Variants in LRGUK observed in about 807,000 individuals in gnomAD.
LRGUK encodes the protein leucine-rich repeat and guanylate kinase domain-containing protein.
LRGUK carries 65 observed loss-of-function variants against 76.0 expected under a neutral mutation model. The observed-to-expected ratio is 0.85, with a 90% CI of 0.70 to 1.05. The LOEUF (loss-of-function observed/expected upper bound fraction) is 1.05, where lower values mean the gene tolerates loss of function less well. Among genes scored for constraint, LRGUK ranks in the 50% least tolerant of loss-of-function variants. The pLI, the probability that LRGUK is intolerant of heterozygous loss-of-function variation, is 0.00. For missense variants in LRGUK, 758 were observed against 732.8 expected (o/e 1.03, Z -0.40); for synonymous variants, 268 against 265.6 (o/e 1.01, Z -0.09).
intron 10 of LRGUK, among the ~76,000 whole-genome samples, chr7:134,183,242 T>G (rs1428699589): frequency 6.6e-6 from 1 of 152,254 alleles, no homozygotes; most frequent in Non-Finnish European, 1.5e-5. Context: ...TAGCTTCTTG[T>G]GATAATTAAA....
At chr7:134,200,502 A>T (rs1185023059) in intron 14 of LRGUK, among the ~76,000 whole-genome samples, 1 of 152,154 alleles carries the variant, frequency 6.6e-6, no homozygotes, top group African/African-American at 2.4e-5. Flanking sequence ...GTGCAATTGT[A>T]TTTTCTTGTG....
chr7:134,139,629 TTTAC>T, intron 3 of LRGUK, 112 bp downstream of exon 3: 3 of 657,694 alleles, frequency 4.6e-6, no homozygotes, highest in Non-Finnish European at 5.0e-6. Context: ...TGTGTATCAA[TTTAC>T]ATATTGATCC....
downstream of LRGUK, among the ~76,000 whole-genome samples, chr7:134,265,682 T>C (rs760210619): frequency 3.3e-5 from 5 of 152,204 alleles, no homozygotes. Flanking sequence ...GTTCTCCTCC[T>C]TCTCTCTGCT....
intron 15 of LRGUK, among the ~76,000 whole-genome samples, chr7:134,202,298 G>A (rs980000473): frequency 1.4e-5 from 2 of 146,822 alleles, no homozygotes; most frequent in Non-Finnish European, 1.5e-5. Context: ...CTATTAGGAT[G>A]GCTACTATAA....
At chr7:134,158,300 CCTTT>C in intron 6 of LRGUK, 141 bp downstream of exon 6, 1 of 660,290 alleles carries the variant, frequency 1.5e-6, no homozygotes, top group South Asian at 2.9e-5. Context: ...TTTGTTTGCT[CCTTT>C]CTTTACCATT....
At chr7:134,258,546 A>G in intron 19 of LRGUK, 141 bp downstream of exon 19, 1 of 729,604 alleles carries the variant, frequency 1.4e-6, no homozygotes, top group East Asian at 3.1e-5. Context: ...AAAAATACAA[A>G]AAATTGGCCA....
At chr7:134,127,438 G>A (rs1346085114) in exon 1 of LRGUK, 4 of 1,613,860 alleles carry the variant, frequency 2.5e-6, no homozygotes, top group South Asian at 1.1e-5. Flanking sequence ...GGCAGATCCC[G>A]AACTGGAGCC....
At chr7:134,154,305 C>G (rs188580086) in intron 5 of LRGUK, among the ~76,000 whole-genome samples, 1 of 152,078 alleles carries the variant, frequency 6.6e-6, no homozygotes, top group Non-Finnish European at 1.5e-5. Flanking sequence ...CAGGAAGTCC[C>G]GAGACCTGTG....
rs137931256 is a variant in LRGUK at position 134,137,422 on chromosome 7, T to C, written c.405+292T>C. Among the ~76,000 whole-genome samples the C allele has an allele frequency of 7.9e-4, 121 of 152,340 alleles. 1 individual carries two copies. In the East Asian group the frequency reaches 0.011, roughly 13 times the overall value. On this transcript the variant is annotated intron_variant, in intron 2 of 15. Coordinates refer to ENST00000645682, the Ensembl canonical transcript of LRGUK. ...TGCTTTCTTTCCAGGAGGTTGAATT[T>C]GATTCTGTAAAACCAATCAAAGACT...
chr7:134,160,156 A>G (rs1274765083), intron 6 of LRGUK, among the ~76,000 whole-genome samples: 1 of 152,216 alleles, frequency 6.6e-6, no homozygotes, highest in South Asian at 2.1e-4. Flanking sequence ...TGGTAAACAG[A>G]CAAAGATATA....
At chr7:134,268,111 CAGA>C (rs1161005164), downstream of LRGUK, among the ~76,000 whole-genome samples, 1 of 151,700 alleles carries the variant, frequency 6.6e-6, no homozygotes, top group Non-Finnish European at 1.5e-5. Context: ...ACAGATCGAG[CAGA>C]AGAAAAGAAT....
intron 16 of LRGUK, among the ~76,000 whole-genome samples, chr7:134,231,130 A>G (rs1280681382): frequency 6.6e-6 from 1 of 152,238 alleles, no homozygotes; most frequent in Non-Finnish European, 1.5e-5. Flanking sequence ...CAAATCACCC[A>G]GAGTCCAACT....
intron 10 of LRGUK, among the ~76,000 whole-genome samples, chr7:134,179,002 A>G (rs1239460078): frequency 6.6e-6 from 1 of 151,714 alleles, no homozygotes; most frequent in East Asian, 1.9e-4. Context: ...ACCTTAACAG[A>G]AAATTGTGGT....
intron 16 of LRGUK, among the ~76,000 whole-genome samples, chr7:134,231,167 A>G (rs1360094675): frequency 6.6e-6 from 1 of 152,222 alleles, no homozygotes; most frequent in East Asian, 1.9e-4. Context: ...GGATTTGAAG[A>G]GAGTGAGGAT....
intron 4 of LRGUK, among the ~76,000 whole-genome samples, chr7:134,147,603 G>A (rs1798028570): frequency 6.6e-6 from 1 of 152,098 alleles, no homozygotes; most frequent in Admixed American, 6.6e-5. Flanking sequence ...ATGAAATTGA[G>A]GTAAATCCTG....
exon 16 of LRGUK, chr7:134,208,776 C>A (rs544283368): frequency 2.5e-6 from 1 of 398,950 alleles, no homozygotes; most frequent in South Asian, 1.3e-4. Context: ...AGGTGCTTGG[C>A]GAAACTGCAA....
intron 16 of LRGUK, among the ~76,000 whole-genome samples, chr7:134,242,046 TCAAAG>T (rs1802170569): frequency 6.6e-6 from 1 of 152,112 alleles, no homozygotes; most frequent in African/African-American, 2.4e-5. Context: ...TGGGACACAT[TCAAAG>T]CAGTGTGTAG....
intron 16 of LRGUK, among the ~76,000 whole-genome samples, chr7:134,243,117 G>A (rs1319150857): frequency 6.6e-6 from 1 of 152,086 alleles, no homozygotes; most frequent in Non-Finnish European, 1.5e-5. Context: ...GGCAAAAACT[G>A]GAAGCATTCC....
chr7:134,261,048 T>A (rs1489501233), intron 19 of LRGUK, among the ~76,000 whole-genome samples: 1 of 152,198 alleles, frequency 6.6e-6, no homozygotes, highest in Non-Finnish European at 1.5e-5. Flanking sequence ...TTTGTTTGGT[T>A]GCAGTAGATA....
Sources: gnomAD v4.1 joint callset for allele counts (sites outside exome capture counted in the v4.1 genomes callset) on GRCh38, gnomAD v4.1.1 for gene constraint, MANE v1.5 for transcripts, NCBI Gene and HGNC (gene_info 2026-07-23, HGNC 2026-07-21) for gene names.